Variants in COL27A1 observed in about 807,000 individuals in gnomAD.
The protein encoded by COL27A1 is collagen type XXVII alpha 1 chain.
COL27A1 carries 106 observed loss-of-function variants against 251.3 expected under a neutral mutation model. That is an observed-to-expected ratio of 0.42 (90% CI 0.36 to 0.50). COL27A1 has a LOEUF of 0.50. Among genes scored for constraint, COL27A1 ranks in the 20% least tolerant of loss-of-function variants. The probability of loss-of-function intolerance (pLI) is 0.00; values close to 1 mark genes in which losing one functional copy is unlikely to be tolerated. For synonymous variants in COL27A1, 1,000 were observed against 986.3 expected (o/e 1.01, Z -0.26); for missense variants, 2,325 against 2,522.8 (o/e 0.92, Z 1.68).
intron 4 of COL27A1, among the ~76,000 whole-genome samples, chr9:114,181,893 G>A (rs1827950125): frequency 1.3e-5 from 2 of 152,184 alleles, no homozygotes; most frequent in Admixed American, 1.3e-4. Flanking sequence ...GTGTTCCCAG[G>A]TGCTCTGTGG....
chr9:114,174,563 A>G (rs1251198709), intron 3 of COL27A1, among the ~76,000 whole-genome samples: 4 of 152,184 alleles, frequency 2.6e-5, no homozygotes, highest in African/African-American at 9.7e-5. Context: ...GCTGGAAGCC[A>G]GAGGTCAAGG....
chr9:114,174,198 C>T (rs1050850538), intron 3 of COL27A1, among the ~76,000 whole-genome samples: 4 of 152,060 alleles, frequency 2.6e-5, no homozygotes, highest in African/African-American at 9.7e-5. Flanking sequence ...AGGATGGTCT[C>T]GATCTCCTGA....
At chr9:114,162,358 C>T (rs548180173) in intron 1 of COL27A1, among the ~76,000 whole-genome samples, 67 of 152,346 alleles carry the variant, frequency 4.4e-4, no homozygotes, top group African/African-American at 1.6e-3. Context: ...AGGGGCTGGC[C>T]CCTGGTTGCT....
intron 28 of COL27A1, among the ~76,000 whole-genome samples, chr9:114,261,370 G>T (rs1834324406): frequency 6.6e-6 from 1 of 152,262 alleles, no homozygotes; most frequent in Non-Finnish European, 1.5e-5. Context: ...AGCAGGCGGG[G>T]CGGGGGTGGG....
At chr9:114,241,465 C>G (rs1588740965) in intron 21 of COL27A1, among the ~76,000 whole-genome samples, 1 of 152,174 alleles carries the variant, frequency 6.6e-6, no homozygotes, top group East Asian at 1.9e-4. Context: ...CTTGGTCAGG[C>G]CTGGCATGCC....
At chr9:114,282,113 GGGAAATTA>G (rs1241311161) in intron 37 of COL27A1, among the ~76,000 whole-genome samples, 156 bp from the exon 38 acceptor site, 3 of 152,314 alleles carry the variant, frequency 2.0e-5, no homozygotes, top group African/African-American at 4.8e-5. Flanking sequence ...TGCTGAGCCT[GGGAAATTA>G]GGTCAGGCTC....
At position 114,301,971 on chromosome 9, in the gene COL27A1, C is replaced by G. The variant is rs529229223; in HGVS notation, c.4846-111C>G. On this transcript the variant is annotated intron_variant, in intron 55 of 60. Coordinates refer to ENST00000356083, the MANE Select transcript of COL27A1 (RefSeq NM_032888.4). ...CACCAAGCCTCCGGGAAAGCAGAGG[C>G]CAGCTTGGCAGGTCCTGCATGCTTT... The G allele has an allele frequency of 8.5e-5, 97 of 1,140,870 alleles. 1 individual carries two copies. The South Asian group carries it at 1.3e-3, about 15-fold the overall frequency. The allele number at this position is 1,140,870 out of a possible 1,614,324, so 70.7% of individuals were successfully genotyped here.
At chr9:114,281,348 C>T (rs1415101442) in intron 37 of COL27A1, among the ~76,000 whole-genome samples, 1 of 152,272 alleles carries the variant, frequency 6.6e-6, no homozygotes, top group Non-Finnish European at 1.5e-5. Context: ...TGCACACACT[C>T]ACTCACCCTT....
chr9:114,282,398 C>T, intron 38 of COL27A1, 59 bp from the exon 39 acceptor site: 2 of 1,608,692 alleles, frequency 1.2e-6, no homozygotes, highest in Non-Finnish European at 1.7e-6. Flanking sequence ...CATCCCTCCC[C>T]TCCCTGGACC....
Position 114,223,971 on chromosome 9 carries a change from A to G in COL27A1, c.2466+1704A>G, listed in dbSNP as rs575914778. 2.1e-3 allele frequency among the ~76,000 whole-genome samples: 326 copies of G among 152,356 alleles called. 2 individuals carry two copies. The highest frequency in any genetic ancestry group is 0.01 in the Middle Eastern group (3 of 294). ...CAGCTATCCGGGTTACTGAATTGAC[A>G]AAAATTTCACAGTCACATTGGAACT... On this transcript the variant is annotated intron_variant, in intron 14 of 60. Coordinates refer to ENST00000356083, the MANE Select transcript of COL27A1 (RefSeq NM_032888.4).
At position 114,165,343 on chromosome 9, in the gene COL27A1, TCATC is replaced by T. The variant is rs557977717; in HGVS notation, c.134-2326_134-2323del. ...ATTTACCCATCCATTTATCTATCCA[TCATC>T]CATCCATCCATCCATCCATTCATCC... On this transcript the variant is annotated intron_variant, in intron 2 of 60. Coordinates refer to ENST00000356083, the MANE Select transcript of COL27A1 (RefSeq NM_032888.4). Among the ~76,000 whole-genome samples the T allele has an allele frequency of 5.8e-3, 884 of 152,008 alleles. 15 individuals are homozygous for T. The highest frequency in any genetic ancestry group is 0.021 in the African/African-American group (852 of 41,442).
chr9:114,239,407 G>A (rs1832608652), intron 19 of COL27A1, among the ~76,000 whole-genome samples: 1 of 152,146 alleles, frequency 6.6e-6, no homozygotes, highest in South Asian at 2.1e-4. Flanking sequence ...GAGGTGTTAC[G>A]AGCACCATTT....
intron 5 of COL27A1, among the ~76,000 whole-genome samples, chr9:114,192,073 G>T (rs190934737): frequency 3.3e-5 from 5 of 152,326 alleles, no homozygotes; most frequent in East Asian, 3.9e-4. Context: ...GGCAGGCATT[G>T]CATCTTGAGC....
chr9:114,304,480 G>A (rs527883812), intron 56 of COL27A1, 128 bp from the exon 57 acceptor site: 35 of 778,616 alleles, frequency 4.5e-5, no homozygotes, highest in African/African-American at 6.8e-5. Flanking sequence ...AGGAAGGACC[G>A]AGAGTTCTGC....
rs201760731 is a variant in COL27A1 at position 114,234,311 on chromosome 9, A to AT, written c.2566-1278dup. ...AAAAACCAAAGTAAGTTGAAAAAAA[A>AT]TTTTTTTTTTAATTCTGACTTTTGT... On this transcript the variant is annotated intron_variant, in intron 16 of 60. Transcript: ENST00000356083. Among the ~76,000 whole-genome samples, 275 of 150,764 alleles carry AT rather than the reference A, an allele frequency of 1.8e-3. 2 individuals are homozygous for AT. The highest frequency in any genetic ancestry group is 0.014 in the Middle Eastern group (4 of 290).
At chr9:114,185,671 C>A (rs1828282116) in intron 5 of COL27A1, among the ~76,000 whole-genome samples, 1 of 152,234 alleles carries the variant, frequency 6.6e-6, no homozygotes, top group African/African-American at 2.4e-5. Context: ...CCCCCAGGGC[C>A]TATGCTGTCC....
At chr9:114,258,118 G>T (rs566435625) in intron 27 of COL27A1, among the ~76,000 whole-genome samples, 13 of 152,176 alleles carry the variant, frequency 8.5e-5, no homozygotes, top group Non-Finnish European at 1.5e-4. Flanking sequence ...GATCACTTGA[G>T]CCCGGAGCTC....
intron 1 of COL27A1, among the ~76,000 whole-genome samples, chr9:114,161,711 C>T (rs12380051): frequency 0.08 from 12,196 of 152,334 alleles, 654 homozygotes; most frequent in South Asian, 0.13. Context: ...ACGTGCCGGC[C>T]TCCCCTCTGC....
intron 7 of COL27A1, among the ~76,000 whole-genome samples, chr9:114,196,344 G>C (rs1294548563): frequency 6.6e-6 from 1 of 152,314 alleles, no homozygotes; most frequent in East Asian, 1.9e-4. Context: ...ACCTGTGCTG[G>C]CCCTGGCTCC....
Sources: allele counts gnomAD v4.1 joint callset (sites outside exome capture counted in the v4.1 genomes callset), GRCh38; gene constraint gnomAD v4.1.1; transcripts MANE v1.5; gene names NCBI Gene and HGNC (gene_info 2026-07-23, HGNC 2026-07-21).